NPHP1: variants seen among roughly 807,000 people sequenced by gnomAD.
The protein encoded by NPHP1 is nephrocystin 1.
In NPHP1, 70 loss-of-function variants were observed where a neutral mutation model predicts 90.4. The observed-to-expected ratio is 0.77, with a 90% confidence interval of 0.64 to 0.95. The LOEUF (loss-of-function observed/expected upper bound fraction) is 0.95, where lower values mean the gene tolerates loss of function less well. Among genes scored for constraint, NPHP1 ranks in the 40% least tolerant of loss-of-function variants. The pLI is 0.00. For synonymous variants in NPHP1, 256 were observed against 271.7 expected (o/e 0.94, Z 0.57); for missense variants, 764 against 795.9 (o/e 0.96, Z 0.48).
At position 110,131,482 on chromosome 2, in the gene NPHP1, G is replaced by A. The variant is rs76478851; in HGVS notation, c.1642+197C>T. 3.8e-3 allele frequency among the ~76,000 whole-genome samples: 579 copies of A among 152,280 alleles called. 9 individuals are homozygous for A. Among genetic ancestry groups the A allele is most frequent in the African/African-American group, 0.014 (563 of 41,560 alleles). On this transcript the variant is annotated intron_variant, in intron 17 of 19. Coordinates refer to ENST00000445609, the MANE Select transcript of NPHP1 (RefSeq NM_001128178.3). ...GAAAATACATATGTTTGAAAGAACT[G>A]AATATGTGTCGAGTTCACAAAGCTC... is the stretch of plus-strand genomic sequence containing the variant.
At chr2:110,125,466 T>C (rs1166030671) in intron 19 of NPHP1, 171 bp downstream of exon 19, 1 of 1,109,014 alleles carries the variant, frequency 9.0e-7, no homozygotes, top group Non-Finnish European at 1.3e-6. Flanking sequence ...TAGCTAACGA[T>C]CATGCGTAAC....
At chr2:110,193,207 T>C (rs376245310) in intron 2 of NPHP1, among the ~76,000 whole-genome samples, 4 of 151,942 alleles carry the variant, frequency 2.6e-5, no homozygotes, top group Admixed American at 6.6e-5. Context: ...AAGACACAGA[T>C]TGGAAAATTG....
intron 2 of NPHP1, among the ~76,000 whole-genome samples, chr2:110,196,184 C>T (rs1366711525): frequency 6.6e-6 from 1 of 152,020 alleles, no homozygotes; most frequent in South Asian, 2.1e-4. Flanking sequence ...AGCTTCTGCA[C>T]AGCAAAAGAA....
At chr2:110,200,148 G>A (rs530463996) in intron 2 of NPHP1, among the ~76,000 whole-genome samples, 8 of 152,100 alleles carry the variant, frequency 5.3e-5, no homozygotes, top group East Asian at 3.9e-4. Flanking sequence ...CCAGCTACTC[G>A]GGAGGCTGAG....
Position 110,144,532 on chromosome 2 carries a change from C to A in NPHP1, c.1390G>T (p.Glu464Ter), listed in dbSNP as rs764740388. 1.2e-6 allele frequency: 2 copies of A among 1,606,426 alleles called. No homozygotes were observed. Among genetic ancestry groups the A allele is most frequent in the Admixed American group, 3.3e-5 (2 of 59,988 alleles). Residue 464 changes from glutamate (E) to a stop codon, truncating the protein, a stop_gained, in exon 15 of 20, where the codon GAA (glutamate) becomes TAA (stop). Transcript: ENST00000445609. LOFTEE classifies it high-confidence loss of function. ...ELFLNGGTPYEKGIEVDPSIS... is the reference protein window; with the variant it reads ...ELFLNGGTPY Reference sequence around the variant, plus strand: ...GAAGGGTCCACTTCAATACCTTTTTCATAAGGAGTACCACCATTCAAGAAA... The same window carrying A: ...GAAGGGTCCACTTCAATACCTTTTTAATAAGGAGTACCACCATTCAAGAAA...
intron 2 of NPHP1, among the ~76,000 whole-genome samples, chr2:110,186,604 T>C (rs150674195): frequency 2.0e-5 from 3 of 152,074 alleles, no homozygotes; most frequent in East Asian, 3.9e-4. Context: ...CCCACCCCAA[T>C]CCCAGACTCC....
intron 14 of NPHP1, among the ~76,000 whole-genome samples, chr2:110,145,525 G>A (rs1680978466): frequency 6.6e-6 from 1 of 152,010 alleles, no homozygotes; most frequent in Non-Finnish European, 1.5e-5. Flanking sequence ...CCCAGGCTCA[G>A]GTGATCCTCC....
intron 16 of NPHP1, among the ~76,000 whole-genome samples, chr2:110,141,031 T>G (rs1329991776): frequency 6.6e-6 from 1 of 152,168 alleles, no homozygotes; most frequent in Non-Finnish European, 1.5e-5. Context: ...GAGCAGGTCA[T>G]GGTGGGACAG....
At chr2:110,191,995 A>G (rs1684785517) in intron 2 of NPHP1, among the ~76,000 whole-genome samples, 1 of 152,118 alleles carries the variant, frequency 6.6e-6, no homozygotes, top group South Asian at 2.1e-4. Flanking sequence ...TCCACACCAA[A>G]ACCCCATCTG....
At chr2:110,139,045 TAG>T (rs1462191744) in intron 16 of NPHP1, among the ~76,000 whole-genome samples, 1 of 152,104 alleles carries the variant, frequency 6.6e-6, no homozygotes, top group African/African-American at 2.4e-5. Context: ...AATTCACATG[TAG>T]ACCAGCAAAC....
In NPHP1 at chr2:110,164,584, C is replaced by G. The variant is rs780903606; in HGVS notation, c.771+104G>C. The stretch of plus-strand genomic sequence containing the variant: ...GCTCTGTACATTCCATGCCCTGAAC[C>G]CTGTTTCAGATCCATTGGTGTCTTC... On this transcript the variant is annotated intron_variant, in intron 8 of 19. Coordinates refer to ENST00000445609, the MANE Select transcript of NPHP1 (RefSeq NM_001128178.3). 7 of 1,608,046 alleles carry G rather than the reference C, an allele frequency of 4.4e-6. No individual in the cohort carries two copies. The highest frequency in any genetic ancestry group is 6.0e-6 in the Non-Finnish European group (7 of 1,174,542).
chr2:110,185,440 C>T (rs1411287951), intron 2 of NPHP1, among the ~76,000 whole-genome samples: 1 of 152,172 alleles, frequency 6.6e-6, no homozygotes, highest in Non-Finnish European at 1.5e-5. Context: ...GCAGAGGCTG[C>T]ACTCCCTCCT....
At chr2:110,154,942 C>CT (rs1681779580) in intron 11 of NPHP1, among the ~76,000 whole-genome samples, 1 of 152,244 alleles carries the variant, frequency 6.6e-6, no homozygotes, top group Admixed American at 6.5e-5. Flanking sequence ...TGTTACTCCC[C>CT]AAGACAATGT....
At chr2:110,154,022 T>C (rs758258541) in intron 11 of NPHP1, among the ~76,000 whole-genome samples, 1 of 150,748 alleles carries the variant, frequency 6.6e-6, no homozygotes, top group Non-Finnish European at 1.5e-5. Context: ...CAGGAAGTGA[T>C]AGGTTTCACT....
intron 19 of NPHP1, chr2:110,125,230 A>G: frequency 6.5e-7 from 1 of 1,535,404 alleles, no homozygotes; most frequent in South Asian, 1.2e-5. Context: ...ATGATTTTAT[A>G]GCAAGGTAAG....
chr2:110,201,099 G>T (rs142621921), intron 2 of NPHP1, among the ~76,000 whole-genome samples: 18 of 152,148 alleles, frequency 1.2e-4, no homozygotes, highest in Admixed American at 5.2e-4. Context: ...TCTCATGGGA[G>T]TTAAAGTTGA....
At chr2:110,160,390 T>C in intron 10 of NPHP1, 135 bp from the exon 11 acceptor site, 1 of 633,336 alleles carries the variant, frequency 1.6e-6, no homozygotes, top group South Asian at 2.1e-5. Flanking sequence ...CAATAAAAGT[T>C]TCAATACTCT....
At chr2:110,132,977 G>A (rs1336704218) in intron 16 of NPHP1, among the ~76,000 whole-genome samples, 4 of 152,008 alleles carry the variant, frequency 2.6e-5, no homozygotes, top group Non-Finnish European at 5.9e-5. Context: ...GAAAATCAGT[G>A]AGGGAGGAAA....
chr2:110,175,991 C>T (rs1683481949), intron 4 of NPHP1, among the ~76,000 whole-genome samples: 1 of 151,982 alleles, frequency 6.6e-6, no homozygotes, highest in African/African-American at 2.4e-5. Flanking sequence ...TATTAAACCA[C>T]TCAGCAATTT....
Sources: gnomAD v4.1 joint callset for allele counts (sites outside exome capture counted in the v4.1 genomes callset) on GRCh38, gnomAD v4.1.1 for gene constraint, MANE v1.5 for transcripts, NCBI Gene and HGNC (gene_info 2026-07-23, HGNC 2026-07-21) for gene names.